UTP20: variants seen among roughly 807,000 people sequenced by gnomAD.
UTP20 encodes small subunit processome component 20 homolog.
In UTP20, 164 loss-of-function variants were observed where a neutral mutation model predicts 329.5. The observed-to-expected ratio is 0.50, with a 90% CI of 0.44 to 0.57. The LOEUF is 0.57. Among genes scored for constraint, UTP20 ranks in the 20% least tolerant of loss-of-function variants. UTP20 has a pLI of 0.00. For missense variants in UTP20, 3,055 were observed against 3,284.2 expected (o/e 0.93, Z 1.71); for synonymous variants, 1,151 against 1,159.3 (o/e 0.99, Z 0.14).
At chr12:101,282,431 C>G (rs557924278) in intron 2 of UTP20, among the ~76,000 whole-genome samples, 1 of 151,812 alleles carries the variant, frequency 6.6e-6, no homozygotes, top group South Asian at 2.1e-4. Context: ...AACTGCAAAG[C>G]AGTCCAGTGT....
At chr12:101,385,456 GTTTT>G in intron 60 of UTP20, 123 bp from the exon 61 acceptor site, 1 of 1,159,010 alleles carries the variant, frequency 8.6e-7, no homozygotes, top group Non-Finnish European at 1.2e-6. Flanking sequence ...ATTTTGTTTT[GTTTT>G]ATTTGGGGTT....
At position 101,346,488 on chromosome 12, in the gene UTP20, A is replaced by G. The variant is rs1488716489; in HGVS notation, c.4784A>G (p.Lys1595Arg). 1 of 1,609,686 alleles carries G rather than the reference A, an allele frequency of 6.2e-7. No homozygotes were observed. Among genetic ancestry groups the G allele is most frequent in the South Asian group, 1.1e-5 (1 of 89,972 alleles). ...GCAAGAGCCTTGAAGAAACTTGCAA[A>G]ACAACTAATGGAAGGCAAAGTTGTT... The part of the protein sequence containing the change: ...RRARALKKLA[K>R]QLMEGKVVLS... Residue 1595 changes from lysine to arginine, a missense_variant, in exon 38 of 62, where the codon AAA (lysine) becomes AGA (arginine). Around this residue, in one of 3 missense-constraint regions of UTP20, gnomAD observed 2,445 missense variants for 2,575.5 expected, o/e 0.95. Coordinates refer to ENST00000261637, the MANE Select transcript of UTP20 (RefSeq NM_014503.3).
chr12:101,344,934 CTTTTTTTTTT>C (rs11417670), intron 36 of UTP20, among the ~76,000 whole-genome samples, 184 bp downstream of exon 36: 35 of 61,562 alleles, frequency 5.7e-4, no homozygotes, highest in Non-Finnish European at 1.0e-3. Context: ...CTTTTTTTTG[CTTTTTTTTTT>C]TTTTTTTTTT....
In UTP20 at chr12:101,321,750, T is replaced by C. The variant is rs1205793979; in HGVS notation, c.3041+121T>C. 6.2e-6 allele frequency: 8 copies of C among 1,283,124 alleles called. No individual in the cohort carries two copies. In the East Asian group the frequency reaches 1.7e-4, roughly 28 times the overall value. 79.5% of individuals were successfully genotyped at this position (1,283,124 alleles called of 1,614,324 possible). A position where few individuals can be genotyped will look rare whatever the true frequency, so the allele number is the denominator to read the frequency against. ...ATTTCATTTTCTATTTTCTTTTGATTGCATTTTCTTTGGAGATGGGGTCTT... is the reference window on the plus strand; with the variant it reads ...ATTTCATTTTCTATTTTCTTTTGATCGCATTTTCTTTGGAGATGGGGTCTT... On this transcript the variant is annotated intron_variant, in intron 25 of 61. Coordinates refer to ENST00000261637, the MANE Select transcript of UTP20 (RefSeq NM_014503.3).
In UTP20 at chr12:101,293,213, G is replaced by C. The variant is rs1472844098; in HGVS notation, c.1219G>C (p.Glu407Gln). The change falls in exon 11 of 62, where the codon GAA (glutamate) becomes CAA (glutamine). Residue 407 changes from glutamate (E) to glutamine (Q), a missense_variant. Around this residue, in one of 3 missense-constraint regions of UTP20, gnomAD observed 2,445 missense variants for 2,575.5 expected, o/e 0.95. Coordinates refer to ENST00000261637, the MANE Select transcript of UTP20 (RefSeq NM_014503.3). ...AAAACGTTTAATTTTCAGTTTTTCT[G>C]AAGTCATGTTTGCCATGAAGCAGTT... is the stretch of plus-strand genomic sequence containing the variant. ...FEKRLIFSFS[E>Q]VMFAMKQFEQ... The C allele has an allele frequency of 6.2e-7, 1 of 1,614,094 alleles. No individual in the cohort carries two copies. Among genetic ancestry groups the C allele is most frequent in the East Asian group, 2.2e-5 (1 of 44,884 alleles).
Position 101,288,887 on chromosome 12 carries a change from AT to A in UTP20, c.516-71del. The A allele has an allele frequency of 3.0e-6, 4 of 1,331,468 alleles. No homozygotes were observed. In the South Asian group the frequency reaches 5.0e-5, roughly 17 times the overall value. The allele number at this position is 1,331,468 out of a possible 1,614,324, so 82.5% of individuals were successfully genotyped here. A position where few individuals can be genotyped will look rare whatever the true frequency, so the allele number is the denominator to read the frequency against. ...GCATACCCAGCACATTGTTGCCCATATTGTTGACATGTAGTATGTATTTATT... is the reference window on the plus strand; with the variant it reads ...GCATACCCAGCACATTGTTGCCCATATGTTGACATGTAGTATGTATTTATT... On this transcript the variant is annotated intron_variant, in intron 5 of 61. Transcript: ENST00000261637.
At position 101,386,047 on chromosome 12, in the gene UTP20, T is replaced by C; in HGVS notation, c.8282T>C (p.Ile2761Thr). Residue 2761 changes from isoleucine (I) to threonine (T), a missense_variant, in exon 62 of 62, where the codon ATA (isoleucine) becomes ACA (threonine). By Grantham distance (89) the Ile-to-Thr change is moderately conservative. Transcript: ENST00000261637. ...KNKSEAKKRK[I>T]EFLRPGYKAK... ...AAAAGTGAAGCAAAGAAGAGAAAGA[T>C]AGAGTTCCTGCGTCCAGGATATAAG... 1 of 1,609,874 alleles carries C rather than the reference T, an allele frequency of 6.2e-7. No individual in the cohort carries two copies. The highest frequency in any genetic ancestry group is 8.5e-7 in the Non-Finnish European group (1 of 1,179,274).
intron 21 of UTP20, among the ~76,000 whole-genome samples, chr12:101,313,747 G>A: frequency 6.6e-6 from 1 of 151,774 alleles, no homozygotes. Context: ...GAAGGAGGGA[G>A]GGAAGGAATG....
At position 101,379,441 on chromosome 12, in the gene UTP20, A is replaced by C; in HGVS notation, c.7467A>C (p.Leu2489Phe). The C allele has an allele frequency of 6.2e-7, 1 of 1,613,906 alleles. No homozygotes were observed. The highest frequency in any genetic ancestry group is 8.5e-7 in the Non-Finnish European group (1 of 1,179,916). ...TCACAGCAGCCCAGATTTTTGGATT[A>C]CTCTTTGCCTCTTGCCAGCCAGAGG... ...VWLTAAQIFGLLFASCQPEEL... is the reference protein window; with the variant it reads ...VWLTAAQIFGFLFASCQPEEL... The change falls in exon 57 of 62, where the codon TTA becomes TTC. Residue 2489 changes from leucine (L) to phenylalanine (F), a missense_variant. By Grantham distance (22) the Leu-to-Phe change is conservative (BLOSUM62 0). Transcript: ENST00000261637.
At position 101,373,593 on chromosome 12, in the gene UTP20, C is replaced by G; in HGVS notation, c.6957C>G (p.Leu2319=). 6.2e-7 allele frequency: 1 copy of G among 1,610,992 alleles called. No individual in the cohort carries two copies. The highest frequency in any genetic ancestry group is 1.1e-5 in the South Asian group (1 of 90,570). ...YLFDTFPQGL[L]HENCGMFFIP... ...TGCCTCTTTTCTTTTAGGGGCTGCT[C>G]CATGAGAACTGCGGAATGTTCTTTA... is the stretch of plus-strand genomic sequence containing the variant. The change falls in exon 54 of 62, where the codon CTC becomes CTG. Residue 2319 remains leucine (L), a synonymous_variant. Coordinates refer to ENST00000261637, the MANE Select transcript of UTP20 (RefSeq NM_014503.3).
rs1471817742 is a variant in UTP20 at position 101,357,017 on chromosome 12, C to A, written c.5626C>A (p.Leu1876Ile). The change falls in exon 43 of 62, where the codon CTT (leucine) becomes ATT (isoleucine). Residue 1876 changes from leucine (L) to isoleucine (I), a missense_variant. Leu to Ile is a conservative substitution (Grantham distance 5). Around this residue, in one of 3 missense-constraint regions of UTP20, gnomAD observed 2,445 missense variants for 2,575.5 expected, o/e 0.95. Transcript: ENST00000261637. The stretch of plus-strand genomic sequence containing the variant: ...CACTCTTGCGAAAATAATAGAGGAT[C>A]TTGGTGTGCACTTCCTCCTATATGT... ...RSTLAKIIEDLGVHFLLYVLK... is the reference protein window; with the variant it reads ...RSTLAKIIEDIGVHFLLYVLK... 1 of 1,613,996 alleles carries A rather than the reference C, an allele frequency of 6.2e-7. No individual in the cohort carries two copies. The highest frequency in any genetic ancestry group is 2.2e-5 in the East Asian group (1 of 44,854).
intron 27 of UTP20, among the ~76,000 whole-genome samples, chr12:101,331,501 T>C (rs1426702183): frequency 6.6e-6 from 1 of 152,210 alleles, no homozygotes; most frequent in Non-Finnish European, 1.5e-5. Flanking sequence ...CTTTGTAACT[T>C]GTATAAGATA....
chr12:101,307,446 G>A (rs988971066), intron 17 of UTP20, among the ~76,000 whole-genome samples: 1 of 151,688 alleles, frequency 6.6e-6, no homozygotes, highest in Non-Finnish European at 1.5e-5. Flanking sequence ...GCGTGATTTC[G>A]GCTCACTGCA....
intron 54 of UTP20, among the ~76,000 whole-genome samples, chr12:101,374,092 G>T (rs528495822): frequency 2.6e-5 from 4 of 151,438 alleles, no homozygotes; most frequent in Non-Finnish European, 5.9e-5. Context: ...AAAATTAGCC[G>T]GGCGTAGTGG....
At chr12:101,379,041 T>A (rs1490587095) in intron 56 of UTP20, among the ~76,000 whole-genome samples, 2 of 152,202 alleles carry the variant, frequency 1.3e-5, no homozygotes, top group Admixed American at 1.3e-4. Context: ...AATGAGAATA[T>A]CCTTCCCCTT....
chr12:101,332,852 TA>T (rs1353555868), intron 27 of UTP20, among the ~76,000 whole-genome samples: 3 of 152,144 alleles, frequency 2.0e-5, no homozygotes, highest in African/African-American at 7.2e-5. Flanking sequence ...AGTATGGAAA[TA>T]AATAGAAAAA....
At position 101,338,080 on chromosome 12, in the gene UTP20, C is replaced by T; in HGVS notation, c.3671C>T (p.Pro1224Leu). Residue 1224 changes from proline to leucine, a missense_variant, in exon 30 of 62, where the codon CCT (proline) becomes CTT (leucine). Transcript: ENST00000261637. Reference protein sequence around the residue: ...RYFPLLAKQKPGHPECDILTN... With the variant: ...RYFPLLAKQKLGHPECDILTN... ...TTCCCTTTGCTGGCTAAACAGAAGC[C>T]TGGGCACCCAGAATGTGATATCCTG... 6.2e-7 allele frequency: 1 copy of T among 1,614,116 alleles called. No individual in the cohort carries two copies. The highest frequency in any genetic ancestry group is 8.5e-7 in the Non-Finnish European group (1 of 1,180,012).
chr12:101,337,602 A>T (rs747923699), intron 29 of UTP20, among the ~76,000 whole-genome samples: 1 of 152,182 alleles, frequency 6.6e-6, no homozygotes, highest in Non-Finnish European at 1.5e-5. Context: ...CCTAACTCCT[A>T]TGTTCTAGTA....
Position 101,306,004 on chromosome 12 carries a change from A to G in UTP20, c.1871A>G (p.Gln624Arg). Residue 624 changes from glutamine to arginine, a missense_variant, in exon 16 of 62, where the codon CAG (glutamine) becomes CGG (arginine). By Grantham distance (43) the Gln-to-Arg change is conservative. Transcript: ENST00000261637. Reference protein sequence around the residue: ...ALCGCKGPLSQEALMELFPKL... With the variant: ...ALCGCKGPLSREALMELFPKL... ...TGTGGCTGCAAAGGGCCACTTTCCC[A>G]GGAGGCTTTAATGGAATTATTTCCC... 2 of 1,613,964 alleles carry G rather than the reference A, an allele frequency of 1.2e-6. No homozygotes were observed. Among genetic ancestry groups the G allele is most frequent in the Middle Eastern group, 3.3e-4 (2 of 6,062 alleles).
Sources: allele counts gnomAD v4.1 joint callset (sites outside exome capture counted in the v4.1 genomes callset), GRCh38; gene constraint gnomAD v4.1.1; regional missense constraint gnomAD v4.1.1; transcripts MANE v1.5; gene names NCBI Gene and HGNC (gene_info 2026-07-23, HGNC 2026-07-21).